The following RAP1GAP2 variants were observed in gnomAD, a reference collection of about 807,000 sequenced individuals.
The protein encoded by RAP1GAP2 is rap1 GTPase-activating protein 2.
A neutral mutation model predicts 95.0 loss-of-function variants in RAP1GAP2; 27 were observed. The ratio of observed to expected loss-of-function variants is 0.28; its 90% CI spans 0.21 to 0.39. The LOEUF is 0.39. RAP1GAP2 is among the 10% of genes least tolerant of loss of function. The probability of loss-of-function intolerance (pLI) is 1.00; values close to 1 mark genes in which losing one functional copy is unlikely to be tolerated. For synonymous variants in RAP1GAP2, 373 were observed against 380.9 expected (o/e 0.98, Z 0.24); for missense variants, 771 against 970.0 (o/e 0.79, Z 2.72).
chr17:2,967,407 A>G (rs1193177649), intron 8 of RAP1GAP2, among the ~76,000 whole-genome samples: 2 of 152,162 alleles, frequency 1.3e-5, no homozygotes, highest in Non-Finnish European at 2.9e-5. Flanking sequence ...CGACGACAAC[A>G]ACAAAAAGCA....
intron 2 of RAP1GAP2, among the ~76,000 whole-genome samples, chr17:2,878,543 A>C (rs2073170185): frequency 6.6e-6 from 1 of 151,972 alleles, no homozygotes; most frequent in Admixed American, 6.6e-5. Context: ...TCTAACCACC[A>C]CCCCTTCCGA....
Position 2,872,213 on chromosome 17 carries a change from C to CAAAAAAAAAA in RAP1GAP2, c.81-33059_81-33050dup, listed in dbSNP as rs562587177. Among the ~76,000 whole-genome samples the CAAAAAAAAAA allele has an allele frequency of 9.1e-4, 69 of 75,552 alleles. 3 individuals are homozygous for CAAAAAAAAAA. Among genetic ancestry groups the CAAAAAAAAAA allele is most frequent in the Middle Eastern group, 9.6e-3 (1 of 104 alleles). 49.6% of individuals were successfully genotyped at this position (75,552 alleles called of 152,430 possible). A position where few individuals can be genotyped will look rare whatever the true frequency, so the allele number is the denominator to read the frequency against. On this transcript the variant is annotated intron_variant, in intron 2 of 24. Transcript: ENST00000254695. ...TGGATGACAGAATGAGCCTCTGTCT[C>CAAAAAAAAAA]AAAAAAAAAAAAAAAAAAAAAGGTG...
intron 2 of RAP1GAP2, among the ~76,000 whole-genome samples, chr17:2,887,680 GTT>G (rs34743914): frequency 1.4e-5 from 2 of 138,420 alleles, no homozygotes; most frequent in Non-Finnish European, 3.1e-5. Flanking sequence ...TGGTTTTTTT[GTT>G]TTTTTTTTTT....
At chr17:2,992,061 T>G (rs907646395) in intron 12 of RAP1GAP2, among the ~76,000 whole-genome samples, 10 of 152,116 alleles carry the variant, frequency 6.6e-5, no homozygotes, top group African/African-American at 2.4e-4. Flanking sequence ...CCGCCGCGCC[T>G]GGCCTGAAAT....
intron 2 of RAP1GAP2, among the ~76,000 whole-genome samples, chr17:2,887,372 C>T (rs1217410154): frequency 2.0e-5 from 3 of 150,190 alleles, no homozygotes; most frequent in Non-Finnish European, 4.4e-5. Context: ...ATGAAGAATA[C>T]TTACCTTTTT....
intron 1 of RAP1GAP2, among the ~76,000 whole-genome samples, chr17:2,787,013 C>T (rs984086887): frequency 1.4e-5 from 2 of 138,686 alleles, no homozygotes; most frequent in African/African-American, 5.4e-5. Context: ...CGCAGGGGCG[C>T]GATCTCTGCT....
At chr17:2,776,493 C>T (rs2068501824), upstream of RAP1GAP2, among the ~76,000 whole-genome samples, 1 of 152,132 alleles carries the variant, frequency 6.6e-6, no homozygotes, top group East Asian at 1.9e-4. Flanking sequence ...CCTTGGGCAG[C>T]CCCCAGGGAG....
intron 4 of RAP1GAP2, among the ~76,000 whole-genome samples, chr17:2,960,139 A>C (rs562314214): frequency 1.8e-4 from 28 of 151,490 alleles, no homozygotes; most frequent in East Asian, 3.9e-4. Flanking sequence ...AAAAAAAAAA[A>C]AACAACAAAA....
At chr17:2,876,660 T>C (rs1170764939) in intron 2 of RAP1GAP2, among the ~76,000 whole-genome samples, 1 of 152,166 alleles carries the variant, frequency 6.6e-6, no homozygotes, top group African/African-American at 2.4e-5. Context: ...ATGTTTCTTA[T>C]AGACCTGGAG....
At chr17:2,936,842 C>T (rs1339035349) in intron 3 of RAP1GAP2, among the ~76,000 whole-genome samples, 2 of 152,202 alleles carry the variant, frequency 1.3e-5, no homozygotes. Flanking sequence ...CAGCTGTGGG[C>T]TTTACCCATG....
intron 2 of RAP1GAP2, among the ~76,000 whole-genome samples, chr17:2,851,702 G>T (rs2071857041): frequency 6.6e-6 from 1 of 152,164 alleles, no homozygotes; most frequent in African/African-American, 2.4e-5. Context: ...AATGGAACCT[G>T]CATGGTGGAT....
intron 2 of RAP1GAP2, among the ~76,000 whole-genome samples, chr17:2,848,084 G>C (rs541973205): frequency 6.6e-6 from 1 of 152,158 alleles, no homozygotes; most frequent in Non-Finnish European, 1.5e-5. Context: ...TGAACAGGAA[G>C]TCGGCAGGGT....
rs748286381 is a variant in RAP1GAP2, at chr17:3,020,492, G to T, written c.1648G>T (p.Ala550Ser). The part of the protein sequence containing the change: ...KTTFSPPVVA[A>S]TVKNQSRSPI... ...TCATCGACAGCCTCCAGTGGTGGCG[G>T]CAACGGTGAAGAACCAGTCACGGAG... is the stretch of plus-strand genomic sequence containing the variant. Residue 550 changes from alanine to serine, a missense_variant, in exon 19 of 25, where the codon GCA becomes TCA. By Grantham distance (99) the Ala-to-Ser change is moderately conservative (BLOSUM62 1). Transcript: ENST00000254695. 3 of 1,613,624 alleles carry T rather than the reference G, an allele frequency of 1.9e-6. No individual in the cohort carries two copies. In the South Asian group the frequency reaches 3.3e-5, roughly 18 times the overall value.
intron 3 of RAP1GAP2, among the ~76,000 whole-genome samples, chr17:2,951,420 C>T (rs931794811): frequency 6.6e-6 from 1 of 152,208 alleles, no homozygotes; most frequent in African/African-American, 2.4e-5. Flanking sequence ...ATGCTTCTCT[C>T]TTCAAGAGGT....
chr17:2,852,905 T>A (rs959974966), intron 2 of RAP1GAP2, among the ~76,000 whole-genome samples: 4 of 152,072 alleles, frequency 2.6e-5, no homozygotes, highest in Non-Finnish European at 2.9e-5. Flanking sequence ...CTTCCGCCCT[T>A]CCTTTCCGAA....
Position 2,855,437 on chromosome 17 carries a change from C to T in RAP1GAP2, c.81-49847C>T, listed in dbSNP as rs1267285750. 3.9e-5 allele frequency among the ~76,000 whole-genome samples: 6 copies of T among 152,180 alleles called. No homozygotes were observed. Among genetic ancestry groups the T allele is most frequent in the Non-Finnish European group, 8.8e-5 (6 of 68,026 alleles). On this transcript the variant is annotated intron_variant, in intron 2 of 24. Transcript: ENST00000254695. The surrounding 1 kb of genome is among the most constrained non-coding windows in gnomAD (Gnocchi z 4.3). ...GAGCAGACCTCCGGCTCCCGGTCCT[C>T]TGAGTGGGGAACAGTTGCCTGGCTA...
chr17:3,010,336 C>CAAAAA (rs1179623628), intron 17 of RAP1GAP2, among the ~76,000 whole-genome samples: 1,406 of 68,272 alleles, frequency 0.021, no homozygotes, highest in Non-Finnish European at 0.027. Context: ...GAGACTGTCT[C>CAAAAA]AAAAAAAAAA....
intron 2 of RAP1GAP2, among the ~76,000 whole-genome samples, chr17:2,861,031 C>T (rs1283350517): frequency 2.0e-5 from 3 of 152,118 alleles, no homozygotes; most frequent in Admixed American, 6.6e-5. Context: ...GATTCTGTTG[C>T]GGAGGCCTCC....
chr17:3,017,711 A>G (rs2046815540), intron 17 of RAP1GAP2, among the ~76,000 whole-genome samples: 2 of 152,184 alleles, frequency 1.3e-5, no homozygotes, highest in African/African-American at 4.8e-5. Flanking sequence ...AGTGTCGCAC[A>G]GGCTTGGCGA....
Sources: gnomAD v4.1 joint callset for allele counts (sites outside exome capture counted in the v4.1 genomes callset) on GRCh38, gnomAD v4.1.1 for gene constraint, Gnocchi (gnomAD v3.1) non-coding constraint, MANE v1.5 for transcripts, NCBI Gene and HGNC (gene_info 2026-07-23, HGNC 2026-07-21) for gene names.